SRRM2: variants seen among roughly 807,000 people sequenced by gnomAD.
SRRM2 encodes serine/arginine repetitive matrix protein 2.
In SRRM2, 30 loss-of-function variants were observed where a neutral mutation model predicts 213.8. The observed-to-expected ratio is 0.14, with a 90% CI of 0.10 to 0.19. The LOEUF (loss-of-function observed/expected upper bound fraction) is 0.19, where lower values mean the gene tolerates loss of function less well. Ranked by LOEUF, SRRM2 falls within the 10% of genes least tolerant of loss-of-function variation. The pLI, the probability that SRRM2 is intolerant of heterozygous loss-of-function variation, is 1.00. For missense variants in SRRM2, 4,904 were observed against 3,647.0 expected, an observed-to-expected ratio of 1.34 and a Z score of -8.88; for synonymous variants, 2,025 against 1,377.7, an observed-to-expected ratio of 1.47 and a Z score of -10.40.
intron 9 of SRRM2, 24 bp downstream of exon 9, chr16:2,759,685 G>A (rs2068271271): frequency 1.9e-6 from 3 of 1,593,682 alleles, no homozygotes; most frequent in Admixed American, 1.7e-5. Flanking sequence ...CAGGAGGAAG[G>A]GAGGGAGAGG....
rs773735921 is a variant in SRRM2 at position 2,763,820 on chromosome 16, C to A, written c.3292C>A (p.Arg1098=). 1 of 1,614,170 alleles carries A rather than the reference C, an allele frequency of 6.2e-7. No homozygotes were observed. Among genetic ancestry groups the A allele is most frequent in the South Asian group, 1.1e-5 (1 of 91,062 alleles). The change falls in exon 11 of 15, where the codon CGG becomes AGG. Residue 1098 remains arginine, a synonymous_variant. Coordinates refer to ENST00000301740, the MANE Select transcript of SRRM2 (RefSeq NM_016333.4). The stretch of plus-strand genomic sequence containing the variant: ...ATCTCAAACATCACCTAAGGGAGGT[C>A]GGTCCAGGTCTTCATCTCCAGTCAC... ...SKSQTSPKGG[R]SRSSSPVTEL...
intron 1 of SRRM2, 150 bp from the exon 2 acceptor site, chr16:2,756,184 C>T: frequency 1.3e-6 from 1 of 797,838 alleles, no homozygotes; most frequent in Non-Finnish European, 1.9e-6. Flanking sequence ...CTTGGGAGAC[C>T]AGGAGGATGG....
chr16:2,754,913 TGGGCTTGGGTA>T (rs1393188348), intron 1 of SRRM2, among the ~76,000 whole-genome samples: 1 of 152,266 alleles, frequency 6.6e-6, no homozygotes, highest in Non-Finnish European at 1.5e-5. Flanking sequence ...GGTCTGCTAC[TGGGCTTGGGTA>T]GGGACCCATC....
chr16:2,762,570 C>T lies in SRRM2; in HGVS notation c.2042C>T (p.Ser681Leu), dbSNP rs757099113. Residue 681 changes from serine (S) to leucine (L), a missense_variant, in exon 11 of 15, where the codon TCA (serine) becomes TTA (leucine). Transcript: ENST00000301740. ...ACCCCAGCTAGACGCAGTGGTCGCT[C>T]ACGCTCCAGAACACCAGCCAGGAGA... ...SRTPARRSGR[S>L]RSRTPARRGR... The T allele has an allele frequency of 5.0e-6, 8 of 1,614,002 alleles. No individual in the cohort carries two copies. The highest frequency in any genetic ancestry group is 1.1e-5 in the South Asian group (1 of 91,072).
At chr16:2,769,814 G>A (rs976638564) in intron 12 of SRRM2, 5 of 465,086 alleles carry the variant, frequency 1.1e-5, no homozygotes, top group Non-Finnish European at 1.7e-5. Flanking sequence ...GGCCTTGCCC[G>A]CCCTGTGTTC....
Position 2,770,649 on chromosome 16 carries a change from C to G in SRRM2, c.8181C>G (p.Ser2727Arg). The change falls in exon 14 of 15, where the codon AGC becomes AGG. Residue 2727 changes from serine (S) to arginine (R), a missense_variant. Ser to Arg is a moderately radical substitution (Grantham distance 110). Transcript: ENST00000301740. ...CCCGGAGAGGCCAGCGTGGGGACAG[C>G]CGCTCCCCCAGCCACAAGCGCAGGA... is the stretch of plus-strand genomic sequence containing the variant. ...RGSRRGQRGD[S>R]RSPSHKRRRE... 6.4e-7 allele frequency: 1 copy of G among 1,552,408 alleles called. No individual in the cohort carries two copies. Among genetic ancestry groups the G allele is most frequent in the Non-Finnish European group, 8.7e-7 (1 of 1,147,778 alleles).
chr16:2,767,243 G>A lies in SRRM2; in HGVS notation c.6715G>A (p.Ala2239Thr), dbSNP rs778319146. Residue 2239 changes from alanine to threonine, a missense_variant, in exon 11 of 15, where the codon GCC (alanine) becomes ACC (threonine). Transcript: ENST00000301740. Reference sequence around the variant, plus strand: ...CAGGATTCCTGCAGCCTCTGCGGCAGCCATGAACCTAGCCAGCGCCAGGAC... The same window carrying A: ...CAGGATTCCTGCAGCCTCTGCGGCAACCATGAACCTAGCCAGCGCCAGGAC... Reference protein sequence around the residue: ...ASRIPAASAAAMNLASARTPA... With the variant: ...ASRIPAASAATMNLASARTPA... 1 of 1,614,108 alleles carries A rather than the reference G, an allele frequency of 6.2e-7. No individual in the cohort carries two copies. The highest frequency in any genetic ancestry group is 1.3e-5 in the African/African-American group (1 of 75,038).
At chr16:2,759,828 A>G in intron 9 of SRRM2, 167 bp downstream of exon 9, 4 of 604,424 alleles carry the variant, frequency 6.6e-6, no homozygotes, top group South Asian at 4.3e-5. Context: ...ACAGACATAT[A>G]CATTTCCCCT....
intron 1 of SRRM2, among the ~76,000 whole-genome samples, chr16:2,753,093 C>A (rs1212659564): frequency 2.7e-5 from 4 of 146,710 alleles, no homozygotes; most frequent in African/African-American, 9.9e-5. Context: ...TACTCGGGTT[C>A]GCGAGCGCCC....
chr16:2,770,046 C>T, intron 12 of SRRM2: 1 of 1,018,434 alleles, frequency 9.8e-7, no homozygotes, highest in Non-Finnish European at 1.3e-6. Flanking sequence ...CCTTGGGTCC[C>T]CAGAGCCACG....
At position 2,762,177 on chromosome 16, in the gene SRRM2, G is replaced by A. The variant is rs149492955; in HGVS notation, c.1649G>A (p.Arg550Lys). 6.2e-7 allele frequency: 1 copy of A among 1,614,046 alleles called. No individual in the cohort carries two copies. The highest frequency in any genetic ancestry group is 1.3e-5 in the African/African-American group (1 of 75,004). Residue 550 changes from arginine (R) to lysine (K), a missense_variant, in exon 11 of 15, where the codon AGA becomes AAA. Arg to Lys is a conservative substitution (Grantham distance 26, BLOSUM62 2). Transcript: ENST00000301740. ...TGGTCTAGGAGCAGAAATACCCAGA[G>A]AAGAGGCAGGTCTAGGTCAGCAAGG... ...PGWSRSRNTQRRGRSRSARRG... is the reference protein window; with the variant it reads ...PGWSRSRNTQKRGRSRSARRG...
rs1378442099 is a variant in SRRM2, at chr16:2,763,663, A to G, written c.3135A>G (p.Pro1045=). The G allele has an allele frequency of 6.2e-7, 1 of 1,614,184 alleles. No individual in the cohort carries two copies. The highest frequency in any genetic ancestry group is 1.7e-5 in the Admixed American group (1 of 60,028). ...CAGGAGTAAAATCTAGCACACCACC[A>G]GGCGAGAGCTATTTTGGTGTCTCAT... ...LCAGVKSSTP[P]GESYFGVSSL... The change falls in exon 11 of 15, where the codon CCA becomes CCG. Residue 1045 remains proline (P), a synonymous_variant. Transcript: ENST00000301740.
rs2150771027 is a variant in SRRM2 at position 2,756,451 on chromosome 16, C to T, written c.87C>T (p.Arg29=). 1 of 1,613,216 alleles carries T rather than the reference C, an allele frequency of 6.2e-7. No individual in the cohort carries two copies. The highest frequency in any genetic ancestry group is 8.5e-7 in the Non-Finnish European group (1 of 1,179,670). ...GCAACCTGTCCCTGGTGCGGGGCCG[C>T]CGGGGTGAGCGGCCTGACTACAAGG... ...VQRNLSLVRG[R]RGERPDYKGE... Residue 29 remains arginine, a synonymous_variant, in exon 2 of 15, where the codon CGC becomes CGT. Transcript: ENST00000301740.
rs2068509209 is a variant in SRRM2 at position 2,765,520 on chromosome 16, A to G, written c.4992A>G (p.Lys1664=). The change falls in exon 11 of 15, where the codon AAA becomes AAG. Residue 1664 remains lysine (K), a synonymous_variant. Coordinates refer to ENST00000301740, the MANE Select transcript of SRRM2 (RefSeq NM_016333.4). ...STESSPEHPP[K]SRTARRGSRS... is the part of the protein sequence containing the mutation. The stretch of plus-strand genomic sequence containing the variant: ...AGTCCTCTCCTGAACATCCGCCCAA[A>G]TCCAGAACTGCTCGCAGAGGTTCCA... 2 of 1,614,070 alleles carry G rather than the reference A, an allele frequency of 1.2e-6. No homozygotes were observed. The highest frequency in any genetic ancestry group is 1.7e-6 in the Non-Finnish European group (2 of 1,180,000).
chr16:2,770,592 C>T lies in SRRM2; in HGVS notation c.8136-12C>T. On this transcript the variant is annotated splice_polypyrimidine_tract_variant and intron_variant, in intron 13 of 14. Coordinates refer to ENST00000301740, the MANE Select transcript of SRRM2 (RefSeq NM_016333.4). ...TGCCACCCTGTGGCCTGATGTCTGT[C>T]CTGTGTTGCAGCAGCAGCAGTGAGC... 23 of 1,553,166 alleles carry T rather than the reference C, an allele frequency of 1.5e-5. No individual in the cohort carries two copies. Among genetic ancestry groups the T allele is most frequent in the Non-Finnish European group, 2.0e-5 (23 of 1,148,026 alleles).
chr16:2,759,238 T>C (rs2068254208), intron 7 of SRRM2, 66 bp downstream of exon 7: 1 of 1,604,392 alleles, frequency 6.2e-7, no homozygotes, highest in South Asian at 1.1e-5. Flanking sequence ...TTTCTTGGAG[T>C]GAAGCTCAAT....
Position 2,760,433 on chromosome 16 carries a change from T to C in SRRM2, c.966T>C (p.Ser322=). The change falls in exon 10 of 15, where the codon AGT becomes AGC. Residue 322 remains serine (S), a synonymous_variant. Coordinates refer to ENST00000301740, the MANE Select transcript of SRRM2 (RefSeq NM_016333.4). The stretch of plus-strand genomic sequence containing the variant: ...GTACTACCAGCACACAACGGCCTAG[T>C]AGCCCGGAGACTGCTACGAAACAGC... ...EPGTTSTQRP[S]SPETATKQPS... is the part of the protein sequence containing the mutation. 6.2e-7 allele frequency: 1 copy of C among 1,614,186 alleles called. No homozygotes were observed. The highest frequency in any genetic ancestry group is 8.5e-7 in the Non-Finnish European group (1 of 1,180,042).
Position 2,757,963 on chromosome 16 carries a change from A to G in SRRM2, c.515+18A>G, listed in dbSNP as rs761408809. On this transcript the variant is annotated intron_variant, in intron 4 of 14. Transcript: ENST00000301740. The stretch of plus-strand genomic sequence containing the variant: ...CCTTACAGGTATACAAGGCCAAGAA[A>G]CCACTGTCAGCTTCTTTTCTTGATT... 1.3e-6 allele frequency: 2 copies of G among 1,595,304 alleles called. No homozygotes were observed. The highest frequency in any genetic ancestry group is 1.7e-6 in the Non-Finnish European group (2 of 1,171,086).
Position 2,771,097 on chromosome 16 carries a change from G to GGGTGGC in SRRM2, c.*230_*231insGGTGGC. 3.0e-6 allele frequency: 1 copy of GGGTGGC among 336,630 alleles called. No individual in the cohort carries two copies. 20.9% of individuals were successfully genotyped at this position (336,630 alleles called of 1,614,324 possible). ...GTTCTGGGGGGTTTGGGGTGGGAGG[G>GGGTGGC]AATGCAGATGGGAGTTGGGGGAGGG... On this transcript the variant is annotated 3_prime_UTR_variant, in exon 15 of 15. Coordinates refer to ENST00000301740, the MANE Select transcript of SRRM2 (RefSeq NM_016333.4).
Sources: allele counts gnomAD v4.1 joint callset (sites outside exome capture counted in the v4.1 genomes callset), GRCh38; gene constraint gnomAD v4.1.1; transcripts MANE v1.5; gene names NCBI Gene and HGNC (gene_info 2026-07-23, HGNC 2026-07-21).